Variants in TCF20 observed in about 807,000 individuals in gnomAD.
TCF20 encodes the protein transcription factor 20.
Under a neutral mutation model 148.6 loss-of-function variants are expected in TCF20, and 3 were observed. That is an observed-to-expected ratio of 0.02 (90% confidence interval 0.01 to 0.05). The LOEUF (loss-of-function observed/expected upper bound fraction) is 0.05. TCF20 is among the 10% of genes least tolerant of loss of function. TCF20 has a pLI of 1.00. For missense variants in TCF20, 2,350 were observed against 2,429.3 expected (o/e 0.97, Z 0.69); for synonymous variants, 1,049 against 909.5 (o/e 1.15, Z -2.76).
chr22:42,162,619 G>A (rs1269907149), intron 5 of TCF20, among the ~76,000 whole-genome samples: 1 of 152,206 alleles, frequency 6.6e-6, no homozygotes, highest in Non-Finnish European at 1.5e-5. Flanking sequence ...AGTGGTGGCA[G>A]CCTTGCCCCT....
chr22:42,292,972 C>T lies in TCF20; in HGVS notation c.-37+50507G>A, dbSNP rs1785137593. Among the ~76,000 whole-genome samples the T allele has an allele frequency of 6.6e-6, 1 of 151,312 alleles. No homozygotes were observed. The highest frequency in any genetic ancestry group is 2.1e-4 in the South Asian group (1 of 4,746). On this transcript the variant is annotated intron_variant, in intron 1 of 1. Coordinates refer to the TCF20 transcript ENST00000515426. This position sits in a 1 kb window ranked among gnomAD's most constrained non-coding sequence, Gnocchi z 4.9. ...CGGGGTTTGAATTTCAGGAGCTGGG[C>T]CTCATAGGCAGGGCAGAAAGGCCAG...
chr22:42,197,322 CT>C (rs546243265), intron 2 of TCF20, among the ~76,000 whole-genome samples: 2,744 of 134,128 alleles, frequency 0.02, 52 homozygotes, highest in African/African-American at 0.064. Flanking sequence ...AGATGAGAAA[CT>C]TTTTTTTTTT....
upstream of TCF20, among the ~76,000 whole-genome samples, chr22:42,284,438 G>A (rs1926986090): frequency 1.3e-5 from 2 of 152,208 alleles, no homozygotes; most frequent in Admixed American, 6.5e-5. Context: ...TTAGGTGGTC[G>A]TCACGAGGAC....
chr22:42,212,127 G>T lies in TCF20; in HGVS notation c.3179C>A (p.Ala1060Asp). The T allele has an allele frequency of 6.2e-7, 1 of 1,614,164 alleles. No homozygotes were observed. Among genetic ancestry groups the T allele is most frequent in the Non-Finnish European group, 8.5e-7 (1 of 1,180,030 alleles). Reference sequence around the variant, plus strand: ...CCGAGTATTTGCATGATAAGCAGAGGCCAGGGTTTCTGAGTTGGGAGAAAA... The same window carrying T: ...CCGAGTATTTGCATGATAAGCAGAGTCCAGGGTTTCTGAGTTGGGAGAAAA... The part of the protein sequence containing the change: ...TPFSPNSETL[A>D]SAYHANTRAH... Residue 1060 changes from alanine to aspartate, a missense_variant, in exon 2 of 6, where the codon GCC (alanine) becomes GAC (aspartate). Transcript: ENST00000677622.
At chr22:42,242,870 G>A (rs898887782) in intron 1 of TCF20, among the ~76,000 whole-genome samples, 3 of 152,052 alleles carry the variant, frequency 2.0e-5, no homozygotes, top group Admixed American at 6.6e-5. Flanking sequence ...TTGGGTGACA[G>A]AGCAAGACTC....
intron 1 of TCF20, among the ~76,000 whole-genome samples, chr22:42,306,987 C>T (rs1328437584): frequency 2.0e-5 from 3 of 150,536 alleles, no homozygotes; most frequent in African/African-American, 7.4e-5. Flanking sequence ...TGCAGTGACC[C>T]GAGATCATGC....
At chr22:42,324,513 G>A (rs867395847) in intron 1 of TCF20, among the ~76,000 whole-genome samples, 12 of 151,250 alleles carry the variant, frequency 7.9e-5, no homozygotes, top group African/African-American at 2.7e-4. Context: ...TCCACCATCC[G>A]ATAAAATAAT....
chr22:42,173,126 G>GA lies in TCF20; in HGVS notation c.5750-3231dup, dbSNP rs5845527. 1.7e-3 allele frequency among the ~76,000 whole-genome samples: 235 copies of GA among 136,772 alleles called. 1 individual carries two copies. The highest frequency in any genetic ancestry group is 3.9e-3 in the Middle Eastern group (1 of 256). 89.7% of individuals were successfully genotyped at this position (136,772 alleles called of 152,430 possible). On this transcript the variant is annotated intron_variant, in intron 3 of 5. Coordinates refer to ENST00000677622, the MANE Select transcript of TCF20 (RefSeq NM_001378418.1). Reference sequence around the variant, plus strand: ...CAGCTGTTTTTTCATGAGAGTAGAAGAAAAAAAAAAAACCCTCCACACAAG... The same window carrying GA: ...CAGCTGTTTTTTCATGAGAGTAGAAGAAAAAAAAAAAAACCCTCCACACAAG...
At chr22:42,304,528 G>T (rs967145211) in intron 1 of TCF20, among the ~76,000 whole-genome samples, 2 of 152,200 alleles carry the variant, frequency 1.3e-5, no homozygotes, top group African/African-American at 4.8e-5. Context: ...GTTGCATGCT[G>T]CGTCCGTGCA....
intron 1 of TCF20, among the ~76,000 whole-genome samples, chr22:42,296,584 CCAGA>C (rs141682133): frequency 0.011 from 1,619 of 152,340 alleles, 31 homozygotes; most frequent in African/African-American, 0.037. Flanking sequence ...TGCCAGCCAG[CCAGA>C]GAGGAAGCAG....
In TCF20 at chr22:42,251,492, C is replaced by CTTTTTTTTT. The variant is rs71184878; in HGVS notation, c.-37+18838_-37+18846dup. Among the ~76,000 whole-genome samples, 7 of 47,026 alleles carry CTTTTTTTTT rather than the reference C, an allele frequency of 1.5e-4. 2 individuals are homozygous for CTTTTTTTTT. The highest frequency in any genetic ancestry group is 1.6e-3 in the East Asian group (2 of 1,260). 30.9% of individuals were successfully genotyped at this position (47,026 alleles called of 152,430 possible). A position where few individuals can be genotyped will look rare whatever the true frequency, so the allele number is the denominator to read the frequency against. On this transcript the variant is annotated intron_variant, in intron 1 of 5. Transcript: ENST00000677622. ...ACTCTGTACCTGGCCAAACAAGTGT[C>CTTTTTTTTT]TTTTTTTTTTTTTTTTTTTTTTTTT...
Position 42,213,337 on chromosome 22 carries a change from G to A in TCF20, c.1969C>T (p.Pro657Ser), listed in dbSNP as rs1921240255. ...TSHASLPQPE[P>S]PGGGGSKGNK... ...CCTTTGCTCCCTCCTCCTCCTGGAG[G>A]CTCTGGCTGGGGAAGTGATGCATGA... Residue 657 changes from proline to serine, a missense_variant, in exon 2 of 6, where the codon CCT becomes TCT. By Grantham distance (74) the Pro-to-Ser change is moderately conservative. Coordinates refer to ENST00000677622, the MANE Select transcript of TCF20 (RefSeq NM_001378418.1). 1 of 1,614,042 alleles carries A rather than the reference G, an allele frequency of 6.2e-7. No individual in the cohort carries two copies. Among genetic ancestry groups the A allele is most frequent in the African/African-American group, 1.3e-5 (1 of 74,910 alleles).
At chr22:42,236,019 C>T (rs1377294744) in intron 1 of TCF20, among the ~76,000 whole-genome samples, 11 of 152,002 alleles carry the variant, frequency 7.2e-5, no homozygotes, top group African/African-American at 2.7e-4. Flanking sequence ...CATGGTGAAA[C>T]CCTGTCTCTA....
chr22:42,264,115 A>C (rs1926158679), intron 1 of TCF20, among the ~76,000 whole-genome samples: 1 of 152,036 alleles, frequency 6.6e-6, no homozygotes, highest in Non-Finnish European at 1.5e-5. Flanking sequence ...ATGGTTAACA[A>C]AGCCTTTCTG....
At chr22:42,304,243 C>A (rs528299882) in intron 1 of TCF20, among the ~76,000 whole-genome samples, 1 of 152,320 alleles carries the variant, frequency 6.6e-6, no homozygotes, top group South Asian at 2.1e-4. Context: ...CTTAGCTGCC[C>A]GTTCCACGGA....
chr22:42,217,327 T>TCC (rs753650769), intron 1 of TCF20, among the ~76,000 whole-genome samples: 49 of 152,200 alleles, frequency 3.2e-4, no homozygotes, highest in East Asian at 3.8e-4. Flanking sequence ...TAGCTTGCTC[T>TCC]CCTTCCAGTC....
chr22:42,161,956 C>A (rs1935486432), intron 5 of TCF20, among the ~76,000 whole-genome samples: 1 of 135,232 alleles, frequency 7.4e-6, no homozygotes. Flanking sequence ...CGCCACCATG[C>A]TTGGCTAATG....
intron 1 of TCF20, among the ~76,000 whole-genome samples, chr22:42,267,386 T>C (rs1359892170): frequency 6.6e-6 from 1 of 151,962 alleles, no homozygotes; most frequent in East Asian, 1.9e-4. Flanking sequence ...AAATCACAAA[T>C]AATCTGTGTG....
intron 2 of TCF20, among the ~76,000 whole-genome samples, chr22:42,205,471 T>C (rs918660384): frequency 1.3e-5 from 2 of 152,112 alleles, no homozygotes; most frequent in Non-Finnish European, 2.9e-5. Context: ...TAGGCCAAAA[T>C]GGATCTCTAA....
Sources: allele counts gnomAD v4.1 joint callset (sites outside exome capture counted in the v4.1 genomes callset), GRCh38; gene constraint gnomAD v4.1.1; non-coding constraint Gnocchi (gnomAD v3.1); transcripts MANE v1.5; gene names NCBI Gene and HGNC (gene_info 2026-07-23, HGNC 2026-07-21).